Variants in GRIK2 observed in about 807,000 individuals in gnomAD.
The protein encoded by GRIK2 is glutamate ionotropic receptor kainate type subunit 2, also known as glutamate receptor ionotropic, kainate 2.
A neutral mutation model predicts 100.3 loss-of-function variants in GRIK2; 32 were observed. That is an observed-to-expected ratio of 0.32 (90% confidence interval 0.24 to 0.43). The LOEUF is 0.43. GRIK2 is among the 20% of genes least tolerant of loss of function. GRIK2 has a pLI of 1.00. For missense variants in GRIK2, 843 were observed against 1,114.9 expected (o/e 0.76, Z 3.47); for synonymous variants, 417 against 389.4 (o/e 1.07, Z -0.83).
chr6:101,478,462 C>A (rs539702845), intron 2 of GRIK2, among the ~76,000 whole-genome samples: 3 of 141,650 alleles, frequency 2.1e-5, no homozygotes, highest in African/African-American at 7.8e-5. Flanking sequence ...TTATAAGTTA[C>A]ATTATATACA....
chr6:101,416,503 C>G (rs1157006248), intron 2 of GRIK2, among the ~76,000 whole-genome samples: 1 of 152,114 alleles, frequency 6.6e-6, no homozygotes, highest in Non-Finnish European at 1.5e-5. Flanking sequence ...GTCTCACTTG[C>G]TAATCACATT....
intron 14 of GRIK2, among the ~76,000 whole-genome samples, chr6:102,010,775 T>C (rs1795493273): frequency 6.6e-6 from 1 of 152,074 alleles, no homozygotes; most frequent in Admixed American, 6.6e-5. Flanking sequence ...GTTAGAATTA[T>C]ACAGTAAGTA....
At chr6:102,031,294 C>A (rs544654302) in intron 14 of GRIK2, among the ~76,000 whole-genome samples, 1 of 151,268 alleles carries the variant, frequency 6.6e-6, no homozygotes, top group Non-Finnish European at 1.5e-5. Flanking sequence ...CATAGACAAT[C>A]TGCTTCATAA....
Position 101,990,564 on chromosome 6 carries a change from A to T in GRIK2, c.2086-44777A>T, listed in dbSNP as rs543104086. ...AGGAAATGAAAACTTAGCATGAGAG[A>T]GACAGAACATGCTATGAAAATGTAA... is the stretch of plus-strand genomic sequence containing the variant. On this transcript the variant is annotated intron_variant, in intron 14 of 16. Coordinates refer to ENST00000369134, the MANE Select transcript of GRIK2 (RefSeq NM_021956.5). Among the ~76,000 whole-genome samples, 3 of 151,746 alleles carry T rather than the reference A, an allele frequency of 2.0e-5. 1 individual carries two copies. In the South Asian group the frequency reaches 6.2e-4, roughly 31 times the overall value.
chr6:101,990,551 CTT>C (rs1395869009), intron 14 of GRIK2, among the ~76,000 whole-genome samples: 1 of 151,610 alleles, frequency 6.6e-6, no homozygotes, highest in Non-Finnish European at 1.5e-5. Context: ...GAAATGAAAA[CTT>C]AGCATGAGAG....
intron 2 of GRIK2, among the ~76,000 whole-genome samples, chr6:101,437,097 G>A (rs1314359470): frequency 6.6e-6 from 1 of 151,722 alleles, no homozygotes; most frequent in Non-Finnish European, 1.5e-5. Context: ...CCTTACTACA[G>A]CCAATGGTTG....
chr6:101,810,090 T>A (rs57682134), intron 9 of GRIK2, among the ~76,000 whole-genome samples: 40,205 of 151,070 alleles, frequency 0.27, 7,095 homozygotes, highest in East Asian at 0.63. Context: ...TATATATGTA[T>A]AAATTACAAT....
intron 14 of GRIK2, 150 bp downstream of exon 14, chr6:101,928,782 C>T (rs1790074567): frequency 4.9e-6 from 3 of 608,050 alleles, no homozygotes; most frequent in Non-Finnish European, 8.8e-6. Flanking sequence ...AGGTGTACAA[C>T]TGAACGTATG....
intron 10 of GRIK2, among the ~76,000 whole-genome samples, chr6:101,833,150 A>C (rs982124513): frequency 2.7e-5 from 4 of 145,630 alleles, no homozygotes; most frequent in African/African-American, 5.4e-5. Context: ...AGAGATTTAC[A>C]ATTAATTGTT....
At chr6:101,865,837 T>G (rs1582411058) in intron 11 of GRIK2, among the ~76,000 whole-genome samples, 1 of 148,062 alleles carries the variant, frequency 6.8e-6, no homozygotes. Context: ...TGCAGTGAGC[T>G]GAGATCACGC....
chr6:101,556,320 A>ATTTTT (rs1304574158), intron 2 of GRIK2, among the ~76,000 whole-genome samples: 2 of 55,362 alleles, frequency 3.6e-5, no homozygotes, highest in Non-Finnish European at 8.3e-5. Context: ...ATATATTGGT[A>ATTTTT]ATTTTTTTTT....
chr6:101,985,445 T>C (rs1176595095), intron 14 of GRIK2, among the ~76,000 whole-genome samples: 1 of 151,786 alleles, frequency 6.6e-6, no homozygotes, highest in African/African-American at 2.4e-5. Context: ...GCTTTTGGCA[T>C]CCTTCTTGAA....
intron 14 of GRIK2, among the ~76,000 whole-genome samples, chr6:101,990,795 A>G (rs953609931): frequency 5.9e-5 from 9 of 151,556 alleles, no homozygotes; most frequent in African/African-American, 1.9e-4. Flanking sequence ...ATAAGTTAAT[A>G]GGATCATTGT....
intron 2 of GRIK2, among the ~76,000 whole-genome samples, chr6:101,516,959 G>A (rs1481814428): frequency 6.6e-6 from 1 of 151,982 alleles, no homozygotes; most frequent in African/African-American, 2.4e-5. Flanking sequence ...TGTATTCCCA[G>A]CTAGACTTCT....
chr6:102,016,210 G>A (rs953777593), intron 14 of GRIK2, among the ~76,000 whole-genome samples: 2 of 152,090 alleles, frequency 1.3e-5, no homozygotes, highest in Non-Finnish European at 2.9e-5. Flanking sequence ...GATCATCAAG[G>A]TTCAGGTAAA....
At chr6:101,636,170 TA>T (rs1010873834) in intron 4 of GRIK2, among the ~76,000 whole-genome samples, 7 of 151,798 alleles carry the variant, frequency 4.6e-5, no homozygotes, top group Middle Eastern at 6.8e-3. Flanking sequence ...TATGCAGCCA[TA>T]AAAAAAAGGA....
chr6:101,483,792 TCTCCTGAC>T (rs1290444722), intron 2 of GRIK2, among the ~76,000 whole-genome samples: 1 of 152,282 alleles, frequency 6.6e-6, no homozygotes, highest in South Asian at 2.1e-4. Context: ...GCCAGGCTGG[TCTCCTGAC>T]CTCCTGACCT....
At chr6:101,800,375 T>C (rs1338360860) in intron 8 of GRIK2, among the ~76,000 whole-genome samples, 2 of 151,862 alleles carry the variant, frequency 1.3e-5, no homozygotes, top group African/African-American at 4.8e-5. Flanking sequence ...AGATCATACA[T>C]ACATACATAT....
intron 2 of GRIK2, among the ~76,000 whole-genome samples, chr6:101,613,782 A>T (rs1035955263): frequency 6.6e-6 from 1 of 151,640 alleles, no homozygotes; most frequent in Non-Finnish European, 1.5e-5. Context: ...AAAAACTAGA[A>T]AAACGAAAGG....
Sources: gnomAD v4.1 joint callset for allele counts (sites outside exome capture counted in the v4.1 genomes callset) on GRCh38, gnomAD v4.1.1 for gene constraint, MANE v1.5 for transcripts, NCBI Gene and HGNC (gene_info 2026-07-23, HGNC 2026-07-21) for gene names.